The following KCNT2 variants were observed in gnomAD, a reference collection of about 807,000 sequenced individuals.
KCNT2 encodes potassium sodium-activated channel subfamily T member 2.
KCNT2 carries 67 observed loss-of-function variants against 153.8 expected under a neutral mutation model. The ratio of observed to expected loss-of-function variants is 0.44; its 90% CI spans 0.36 to 0.53. The LOEUF (loss-of-function observed/expected upper bound fraction) is 0.53, where lower values mean the gene tolerates loss of function less well. Ranked by LOEUF, KCNT2 falls within the 20% of genes least tolerant of loss-of-function variation. The probability of loss-of-function intolerance (pLI) is 0.00; values close to 1 mark genes in which losing one functional copy is unlikely to be tolerated. For synonymous variants in KCNT2, 500 were observed against 458.8 expected (o/e 1.09, Z -1.15); for missense variants, 975 against 1,354.8 (o/e 0.72, Z 4.40).
chr1:196,465,225 A>G, intron 8 of KCNT2, 68 bp downstream of exon 8: 1 of 828,598 alleles, frequency 1.2e-6, no homozygotes, highest in Non-Finnish European at 1.9e-6. Flanking sequence ...AGTTATTTAT[A>G]ATATGGTTTC....
intron 1 of KCNT2, among the ~76,000 whole-genome samples, chr1:196,568,994 C>T (rs1288644378): frequency 6.6e-6 from 1 of 152,064 alleles, no homozygotes; most frequent in Non-Finnish European, 1.5e-5. Flanking sequence ...ATGGATGAGG[C>T]AGGAGTCACT....
intron 1 of KCNT2, among the ~76,000 whole-genome samples, chr1:196,596,024 C>T (rs1487625063): frequency 6.2e-5 from 9 of 145,354 alleles, no homozygotes; most frequent in Admixed American, 4.0e-4. Flanking sequence ...TTATTTTGTT[C>T]CTTGTTATGG....
In KCNT2 at chr1:196,566,208, A is replaced by T. The variant is rs1166749438; in HGVS notation, c.95+42007T>A. ...GAGAGTGAGACTATTTCTGGGTCAA[A>T]TTTTATCAGATTCAAACAATGAAAA... On this transcript the variant is annotated intron_variant, in intron 1 of 27. Coordinates refer to ENST00000294725, the MANE Select transcript of KCNT2 (RefSeq NM_198503.5). Among the ~76,000 whole-genome samples the T allele has an allele frequency of 3.3e-5, 5 of 152,112 alleles. No individual in the cohort carries two copies. The East Asian group carries it at 9.7e-4, about 29-fold the overall frequency.
chr1:196,381,051 T>C (rs1034156399), intron 13 of KCNT2, among the ~76,000 whole-genome samples: 1 of 152,224 alleles, frequency 6.6e-6, no homozygotes, highest in Non-Finnish European at 1.5e-5. Context: ...ATTAAATGCA[T>C]AGAATCTAAC....
At chr1:196,428,501 A>G (rs1032556539) in intron 9 of KCNT2, among the ~76,000 whole-genome samples, 1 of 152,086 alleles carries the variant, frequency 6.6e-6, no homozygotes, top group African/African-American at 2.4e-5. Context: ...TGATTTTGCT[A>G]TCACATAATA....
At position 196,247,389 on chromosome 1, in the gene KCNT2, G is replaced by A. The variant is rs564104350; in HGVS notation, c.3211+10805C>T. Among the ~76,000 whole-genome samples the A allele has an allele frequency of 1.7e-4, 26 of 152,238 alleles. 1 individual carries two copies. In the Middle Eastern group the frequency reaches 0.01, roughly 60 times the overall value. ...AACAGATCATCCAGACAGAAAATCA[G>A]CAAGGAAATGTCAGACTTAATCCTT... On this transcript the variant is annotated intron_variant, in intron 26 of 27. Coordinates refer to ENST00000294725, the MANE Select transcript of KCNT2 (RefSeq NM_198503.5).
rs148926883 is a variant in KCNT2 at position 196,367,504 on chromosome 1, T to C, written c.1403+5636A>G. Among the ~76,000 whole-genome samples the C allele has an allele frequency of 4.1e-3, 629 of 152,330 alleles. 1 individual carries two copies. The highest frequency in any genetic ancestry group is 0.014 in the African/African-American group (591 of 41,580). ...AAATAAATGTATGCATATGTTTGTA[T>C]GTAAATATATGTGTAGATGTATATG... On this transcript the variant is annotated intron_variant, in intron 14 of 27. Coordinates refer to ENST00000294725, the MANE Select transcript of KCNT2 (RefSeq NM_198503.5).
At chr1:196,504,176 T>G (rs1313075347) in intron 1 of KCNT2, among the ~76,000 whole-genome samples, 1 of 151,998 alleles carries the variant, frequency 6.6e-6, no homozygotes, top group Admixed American at 6.6e-5. Flanking sequence ...GCTGGTGTGC[T>G]GCACCCATTA....
At chr1:196,457,498 T>C (rs1032407421) in intron 8 of KCNT2, among the ~76,000 whole-genome samples, 1 of 137,724 alleles carries the variant, frequency 7.3e-6, no homozygotes, top group Non-Finnish European at 1.6e-5. Context: ...TTATTCCAAA[T>C]GGCAAGCACA....
intron 26 of KCNT2, among the ~76,000 whole-genome samples, chr1:196,249,112 T>C (rs918945510): frequency 2.7e-5 from 4 of 150,914 alleles, no homozygotes; most frequent in Admixed American, 1.3e-4. Context: ...CTTTCATGAT[T>C]AAAAAAAAAC....
At chr1:196,479,949 A>T (rs1337671132) in intron 4 of KCNT2, among the ~76,000 whole-genome samples, 1 of 152,246 alleles carries the variant, frequency 6.6e-6, no homozygotes, top group Non-Finnish European at 1.5e-5. Flanking sequence ...CCACTTCAAA[A>T]TACTTTCAGA....
At chr1:196,351,914 AG>A (rs759390176) in intron 14 of KCNT2, among the ~76,000 whole-genome samples, 73 of 152,288 alleles carry the variant, frequency 4.8e-4, no homozygotes, top group Admixed American at 2.0e-3. Flanking sequence ...TTTAGCATGA[AG>A]GGTTGTTGAA....
Position 196,482,994 on chromosome 1 carries a change from T to G in KCNT2, c.276-615A>C, listed in dbSNP as rs377130192. ...TCATAACACTTATTATCCCTCTAAT[T>G]CTAATTTTCCACAATTTATAACCTA... On this transcript the variant is annotated intron_variant, in intron 3 of 27. Transcript: ENST00000294725. Among the ~76,000 whole-genome samples, 66 of 152,282 alleles carry G rather than the reference T, an allele frequency of 4.3e-4. 1 individual carries two copies. In the South Asian group the frequency reaches 0.014, roughly 32 times the overall value.
intron 8 of KCNT2, among the ~76,000 whole-genome samples, chr1:196,436,373 C>A (rs1408246350): frequency 6.6e-6 from 1 of 151,448 alleles, no homozygotes; most frequent in African/African-American, 2.4e-5. Context: ...AGAAAGTGTG[C>A]CTTCAGGACA....
At chr1:196,514,745 A>C (rs950086306) in intron 1 of KCNT2, among the ~76,000 whole-genome samples, 9 of 152,074 alleles carry the variant, frequency 5.9e-5, no homozygotes, top group African/African-American at 2.2e-4. Flanking sequence ...AATATAAGAT[A>C]GTTGATTTAT....
At chr1:196,332,900 T>A (rs1664607001) in intron 17 of KCNT2, among the ~76,000 whole-genome samples, 1 of 151,660 alleles carries the variant, frequency 6.6e-6, no homozygotes, top group East Asian at 1.9e-4. Flanking sequence ...TTCTCCTGTC[T>A]CAGCCTTCCA....
At chr1:196,330,296 A>G (rs1174244371) in intron 18 of KCNT2, among the ~76,000 whole-genome samples, 2 of 151,874 alleles carry the variant, frequency 1.3e-5, no homozygotes, top group African/African-American at 4.8e-5. Context: ...ACTTCATTAA[A>G]CATGCACTAA....
At chr1:196,259,884 A>G (rs552141703) in intron 25 of KCNT2, among the ~76,000 whole-genome samples, 1 of 152,110 alleles carries the variant, frequency 6.6e-6, no homozygotes, top group South Asian at 2.1e-4. Context: ...AGTTTTTAAT[A>G]CCATGGTTTA....
At chr1:196,588,268 T>TG (rs1278391823) in intron 1 of KCNT2, among the ~76,000 whole-genome samples, 44 of 52,898 alleles carry the variant, frequency 8.3e-4, no homozygotes, top group East Asian at 6.5e-3. Flanking sequence ...ATTAAATAGA[T>TG]GGGAAAAAAA....
Sources: gnomAD v4.1 joint callset for allele counts (sites outside exome capture counted in the v4.1 genomes callset) on GRCh38, gnomAD v4.1.1 for gene constraint, MANE v1.5 for transcripts, NCBI Gene and HGNC (gene_info 2026-07-23, HGNC 2026-07-21) for gene names.